The following MIS18A variants were observed in gnomAD, a reference collection of about 807,000 sequenced individuals.
The protein encoded by MIS18A is MIS18 kinetochore protein A, also known as protein Mis18-alpha.
Under a neutral mutation model 25.0 loss-of-function variants are expected in MIS18A, and 14 were observed. The ratio of observed to expected loss-of-function variants is 0.56; its 90% CI spans 0.37 to 0.88. The LOEUF (loss-of-function observed/expected upper bound fraction) is 0.88. Among genes scored for constraint, MIS18A ranks in the 40% least tolerant of loss-of-function variants. MIS18A has a pLI of 0.00. For missense variants in MIS18A, 292 were observed against 290.8 expected (o/e 1.00, Z -0.03); for synonymous variants, 134 against 118.6 (o/e 1.13, Z -0.84).
At chr21:32,177,896 G>A in the MIS18A span, among the ~76,000 whole-genome samples, 1 of 134,218 alleles carries the variant, frequency 7.5e-6, no homozygotes, top group Non-Finnish European at 1.5e-5. Flanking sequence ...TAAAAATCCT[G>A]GCTTTTTTTT....
chr21:32,237,760 T>C, the MIS18A span, among the ~76,000 whole-genome samples: 1 of 152,026 alleles, frequency 6.6e-6, no homozygotes, highest in Non-Finnish European at 1.5e-5. Context: ...TTAGGAAAAA[T>C]GATCATTTTA....
chr21:32,223,875 C>G, the MIS18A span, among the ~76,000 whole-genome samples: 1 of 152,106 alleles, frequency 6.6e-6, no homozygotes, highest in Non-Finnish European at 1.5e-5. Flanking sequence ...TGCAAAAATC[C>G]TCAACAAAAT....
chr21:32,236,970 G>A, the MIS18A span, among the ~76,000 whole-genome samples: 1 of 152,050 alleles, frequency 6.6e-6, no homozygotes, highest in African/African-American at 2.4e-5. Flanking sequence ...CTGACTTGAG[G>A]GTCTCAGACA....
the MIS18A span, among the ~76,000 whole-genome samples, chr21:32,184,224 C>T: frequency 0.16 from 24,575 of 152,198 alleles, 2,343 homozygotes; most frequent in African/African-American, 0.27. Flanking sequence ...GCCCTCCAGA[C>T]GCGACTTGCT....
chr21:32,242,902 C>T, the MIS18A span, among the ~76,000 whole-genome samples: 1 of 152,124 alleles, frequency 6.6e-6, no homozygotes, highest in Non-Finnish European at 1.5e-5. Flanking sequence ...ATTTATCTAC[C>T]TCCCCAAGAC....
At chr21:32,258,398 A>G in the MIS18A span, among the ~76,000 whole-genome samples, 1 of 152,162 alleles carries the variant, frequency 6.6e-6, no homozygotes, top group Admixed American at 6.5e-5. Flanking sequence ...TGTTGGTTAC[A>G]GGAGTGAAGG....
chr21:32,190,056 C>A, the MIS18A span, among the ~76,000 whole-genome samples: 1 of 152,284 alleles, frequency 6.6e-6, no homozygotes, highest in East Asian at 1.9e-4. Flanking sequence ...GTGAAAATTA[C>A]AGAAGAAGGT....
the MIS18A span, among the ~76,000 whole-genome samples, chr21:32,233,961 A>G: frequency 6.6e-6 from 1 of 152,220 alleles, no homozygotes; most frequent in African/African-American, 2.4e-5. Flanking sequence ...TTCTGTCTAG[A>G]GAAGCCTCGG....
the MIS18A span, among the ~76,000 whole-genome samples, chr21:32,254,488 G>A: frequency 2.0e-4 from 30 of 150,966 alleles, no homozygotes; most frequent in Non-Finnish European, 2.7e-4. Flanking sequence ...CCAAGATTGC[G>A]TCATTGCACT....
chr21:32,213,950 G>A, the MIS18A span, among the ~76,000 whole-genome samples: 1 of 152,250 alleles, frequency 6.6e-6, no homozygotes, highest in South Asian at 2.1e-4. Flanking sequence ...CAGATTCTGG[G>A]AATTCTAGGA....
At chr21:32,253,271 T>G in the MIS18A span, among the ~76,000 whole-genome samples, 1 of 152,116 alleles carries the variant, frequency 6.6e-6, no homozygotes, top group African/African-American at 2.4e-5. Context: ...CTCCCAATGC[T>G]TCTGCATCCT....
At chr21:32,275,031 G>C in intron 1 of MIS18A, 135 bp from the exon 2 acceptor site, 1 of 679,774 alleles carries the variant, frequency 1.5e-6, no homozygotes, top group South Asian at 2.0e-5. Flanking sequence ...ACAAAAGAGC[G>C]GTTTAAAACT....
the MIS18A span, among the ~76,000 whole-genome samples, chr21:32,226,292 A>G: frequency 0.21 from 31,231 of 147,736 alleles, 3,436 homozygotes; most frequent in South Asian, 0.32. Context: ...AAAAAAAAAG[A>G]AAAAAAAAAG....
the MIS18A span, among the ~76,000 whole-genome samples, chr21:32,158,094 G>A: frequency 5.3e-5 from 8 of 152,224 alleles, no homozygotes; most frequent in East Asian, 5.8e-4. Flanking sequence ...ATTTGGTAGC[G>A]AAATATCACT....
chr21:32,230,450 G>A, the MIS18A span, among the ~76,000 whole-genome samples: 1 of 152,108 alleles, frequency 6.6e-6, no homozygotes, highest in Non-Finnish European at 1.5e-5. Context: ...ACAAATAAGG[G>A]ACTTAAAGCC....
chr21:32,254,279 C>G, the MIS18A span, among the ~76,000 whole-genome samples: 1 of 151,966 alleles, frequency 6.6e-6, no homozygotes, highest in Non-Finnish European at 1.5e-5. Context: ...GTGGCTCACG[C>G]CTGTAATCCC....
the MIS18A span, among the ~76,000 whole-genome samples, chr21:32,254,030 T>C: frequency 5.5e-5 from 8 of 146,418 alleles, no homozygotes; most frequent in Non-Finnish European, 8.9e-5. Flanking sequence ...AGGTCAGGAG[T>C]TCGAGACCAG....
At chr21:32,275,513 T>C (rs563423368) in intron 1 of MIS18A, among the ~76,000 whole-genome samples, 2 of 152,310 alleles carry the variant, frequency 1.3e-5, no homozygotes, top group Non-Finnish European at 2.9e-5. Context: ...ACACATCTTT[T>C]ACTTGAACAA....
At chr21:32,231,518 G>A in the MIS18A span, among the ~76,000 whole-genome samples, 2 of 152,114 alleles carry the variant, frequency 1.3e-5, no homozygotes, top group Non-Finnish European at 1.5e-5. Flanking sequence ...ATGATGGCTA[G>A]AATCTAAAAG....
Sources: gnomAD v4.1 joint callset for allele counts (sites outside exome capture counted in the v4.1 genomes callset) on GRCh38, gnomAD v4.1.1 for gene constraint, MANE v1.5 for transcripts, NCBI Gene and HGNC (gene_info 2026-07-23, HGNC 2026-07-21) for gene names.